Variants in NXPH1 observed in about 807,000 individuals in gnomAD.
NXPH1 encodes the protein neurexophilin 1, also known as neurexophilin-1.
Under a neutral mutation model 23.7 loss-of-function variants are expected in NXPH1, and 5 were observed. That is an observed-to-expected ratio of 0.21 (90% CI 0.11 to 0.44). NXPH1 has a LOEUF of 0.44. NXPH1 is among the 20% of genes least tolerant of loss of function. The probability of loss-of-function intolerance (pLI) is 0.99; values close to 1 mark genes in which losing one functional copy is unlikely to be tolerated. For synonymous variants in NXPH1, 144 were observed against 122.2 expected (o/e 1.18, Z -1.18); for missense variants, 324 against 321.6 (o/e 1.01, Z -0.06).
rs61424859 is a variant in NXPH1, at chr7:8,593,171, AT to A, written c.54+157419del. ...TTGCATGTTTCTCAGAGTAAGAAGC[AT>A]TTTTTTTTTTTTTTCTATTTGTCTT... On this transcript the variant is annotated intron_variant, in intron 2 of 2. Coordinates refer to ENST00000405863, the MANE Select transcript of NXPH1 (RefSeq NM_152745.3). Among the ~76,000 whole-genome samples, 619 of 141,532 alleles carry A rather than the reference AT, an allele frequency of 4.4e-3. 2 individuals are homozygous for A. Among genetic ancestry groups the A allele is most frequent in the East Asian group, 0.022 (104 of 4,796 alleles). 92.9% of individuals were successfully genotyped at this position (141,532 alleles called of 152,430 possible).
chr7:8,453,321 T>C (rs1816538649), intron 2 of NXPH1, among the ~76,000 whole-genome samples: 1 of 152,108 alleles, frequency 6.6e-6, no homozygotes, highest in South Asian at 2.1e-4. Flanking sequence ...CTAAATATTT[T>C]AATTGGCAGG....
intron 2 of NXPH1, among the ~76,000 whole-genome samples, chr7:8,588,557 G>C (rs546377634): frequency 1.3e-5 from 2 of 152,070 alleles, no homozygotes; most frequent in Non-Finnish European, 2.9e-5. Flanking sequence ...GTTGTTCAAG[G>C]CTCCCAGGCT....
rs143454640 is a variant in NXPH1, at chr7:8,594,010, G to C, written c.55-156998G>C. On this transcript the variant is annotated intron_variant, in intron 2 of 2. Coordinates refer to ENST00000405863, the MANE Select transcript of NXPH1 (RefSeq NM_152745.3). ...GGGTAGTTTTTCAAAATTCTTGTGG[G>C]AGGTATGATAGCAACAAATTTTGAA... Among the ~76,000 whole-genome samples the C allele has an allele frequency of 2.5e-3, 386 of 151,424 alleles. 3 individuals carry two copies. The highest frequency in any genetic ancestry group is 9.1e-3 in the African/African-American group (373 of 40,870).
intron 2 of NXPH1, among the ~76,000 whole-genome samples, chr7:8,747,217 C>T (rs1450545360): frequency 2.0e-5 from 3 of 152,166 alleles, no homozygotes; most frequent in South Asian, 2.1e-4. Context: ...AGAACCTGGA[C>T]TGGGATTCAG....
intron 2 of NXPH1, among the ~76,000 whole-genome samples, chr7:8,559,278 T>C (rs980842068): frequency 1.3e-5 from 2 of 151,692 alleles, no homozygotes; most frequent in African/African-American, 4.8e-5. Context: ...TTTAGAACAT[T>C]AATATGAACA....
intron 2 of NXPH1, among the ~76,000 whole-genome samples, chr7:8,459,887 C>T (rs1331711597): frequency 6.6e-6 from 1 of 152,090 alleles, no homozygotes; most frequent in Non-Finnish European, 1.5e-5. Context: ...GGCTGAAGAT[C>T]CCTTGAAAAT....
In NXPH1 at chr7:8,497,567, G is replaced by C. The variant is rs563249850; in HGVS notation, c.54+61800G>C. Among the ~76,000 whole-genome samples the C allele has an allele frequency of 8.9e-3, 1,361 of 152,238 alleles. 21 individuals are homozygous for C. Among genetic ancestry groups the C allele is most frequent in the African/African-American group, 0.031 (1,286 of 41,548 alleles). On this transcript the variant is annotated intron_variant, in intron 2 of 2. Transcript: ENST00000405863. ...ATGATCGCCATTCTAACTGGTGTGAGATGGTATCTCATTGTGGTTTTGATT... is the reference window on the plus strand; with the variant it reads ...ATGATCGCCATTCTAACTGGTGTGACATGGTATCTCATTGTGGTTTTGATT...
At chr7:8,569,127 C>T (rs1022315416) in intron 2 of NXPH1, among the ~76,000 whole-genome samples, 1 of 151,852 alleles carries the variant, frequency 6.6e-6, no homozygotes, top group Non-Finnish European at 1.5e-5. Context: ...GATTACCAGA[C>T]ATTATGTGCA....
rs569658484 is a variant in NXPH1 at position 8,521,974 on chromosome 7, G to A, written c.54+86207G>A. ...GAGCCAAGACTACATGGCTGCAAGG[G>A]AGAGTAGGATACTGACACTGCTACC... On this transcript the variant is annotated intron_variant, in intron 2 of 2. Transcript: ENST00000405863. Among the ~76,000 whole-genome samples the A allele has an allele frequency of 2.0e-5, 3 of 152,254 alleles. No individual in the cohort carries two copies. In the East Asian group the frequency reaches 5.8e-4, roughly 29 times the overall value.
chr7:8,615,300 A>T (rs373381760), intron 2 of NXPH1, among the ~76,000 whole-genome samples: 2 of 152,082 alleles, frequency 1.3e-5, no homozygotes, highest in Non-Finnish European at 2.9e-5. Context: ...TGAGGATTCA[A>T]ACCCTCAGCT....
chr7:8,581,752 T>C (rs1469283650), intron 2 of NXPH1, among the ~76,000 whole-genome samples: 2 of 152,096 alleles, frequency 1.3e-5, no homozygotes, highest in African/African-American at 4.8e-5. Flanking sequence ...TGTAGGTAAC[T>C]AGGGGACAAA....
intron 2 of NXPH1, among the ~76,000 whole-genome samples, chr7:8,510,913 A>G (rs1450166947): frequency 6.6e-6 from 1 of 152,004 alleles, no homozygotes; most frequent in African/African-American, 2.4e-5. Context: ...CTTCCATTGG[A>G]AGTTTCCATT....
intron 2 of NXPH1, among the ~76,000 whole-genome samples, chr7:8,714,772 C>G (rs577745645): frequency 1.3e-5 from 2 of 152,270 alleles, no homozygotes; most frequent in South Asian, 2.1e-4. Flanking sequence ...CCTCACAACT[C>G]TGCCTGGTGC....
chr7:8,617,194 T>A (rs1204731373), intron 2 of NXPH1, among the ~76,000 whole-genome samples: 1 of 152,080 alleles, frequency 6.6e-6, no homozygotes, highest in Non-Finnish European at 1.5e-5. Flanking sequence ...CCAATGTCAA[T>A]GGTGTTGAGA....
At chr7:8,732,273 C>G (rs534457857) in intron 2 of NXPH1, among the ~76,000 whole-genome samples, 52 of 152,328 alleles carry the variant, frequency 3.4e-4, no homozygotes, top group Non-Finnish European at 5.9e-4. Context: ...CCCGGTACCT[C>G]AGATGGAAAT....
At chr7:8,496,560 T>C (rs76358134) in intron 2 of NXPH1, among the ~76,000 whole-genome samples, 5,037 of 152,060 alleles carry the variant, frequency 0.033, 300 homozygotes, top group African/African-American at 0.11. Flanking sequence ...AAGAGAATTG[T>C]GTCATGAGTA....
At chr7:8,471,164 T>C (rs928950902) in intron 2 of NXPH1, among the ~76,000 whole-genome samples, 1 of 152,170 alleles carries the variant, frequency 6.6e-6, no homozygotes, top group Non-Finnish European at 1.5e-5. Context: ...TATGTGGAAC[T>C]GCCGAGTTTA....
In NXPH1 at chr7:8,607,274, C is replaced by T. The variant is rs762812019; in HGVS notation, c.55-143734C>T. On this transcript the variant is annotated intron_variant, in intron 2 of 2. Coordinates refer to ENST00000405863, the MANE Select transcript of NXPH1 (RefSeq NM_152745.3). ...AATAGGTGTTTAAATTTTACATGCT[C>T]TGGGTGATTTTGCTTAAATGAGTTA... is the stretch of plus-strand genomic sequence containing the variant. Among the ~76,000 whole-genome samples the T allele has an allele frequency of 1.2e-4, 18 of 152,196 alleles. 1 individual carries two copies. Among genetic ancestry groups the T allele is most frequent in the South Asian group, 4.2e-4 (2 of 4,818 alleles).
intron 2 of NXPH1, among the ~76,000 whole-genome samples, chr7:8,519,877 T>C (rs1817742496): frequency 6.6e-6 from 1 of 152,216 alleles, no homozygotes; most frequent in Non-Finnish European, 1.5e-5. Context: ...GGTGGACATG[T>C]ACTTGCATAG....
Sources: gnomAD v4.1 joint callset for allele counts (sites outside exome capture counted in the v4.1 genomes callset) on GRCh38, gnomAD v4.1.1 for gene constraint, MANE v1.5 for transcripts, NCBI Gene and HGNC (gene_info 2026-07-23, HGNC 2026-07-21) for gene names.